Variants in ALMS1 observed in about 807,000 individuals in gnomAD.
ALMS1 encodes centrosome-associated protein ALMS1.
A neutral mutation model predicts 352.2 loss-of-function variants in ALMS1; 271 were observed. The ratio of observed to expected loss-of-function variants is 0.77; its 90% CI spans 0.70 to 0.85. The LOEUF is 0.85. Ranked by LOEUF, ALMS1 falls within the 40% of genes least tolerant of loss-of-function variation. ALMS1 has a pLI of 0.00. For synonymous variants in ALMS1, 1,865 were observed against 1,761.2 expected, an observed-to-expected ratio of 1.06 and a Z score of -1.48; for missense variants, 5,445 against 4,870.7, an observed-to-expected ratio of 1.12 and a Z score of -3.51.
chr2:73,410,457 T>A (rs1321281499), intron 2 of ALMS1, among the ~76,000 whole-genome samples: 6 of 152,156 alleles, frequency 3.9e-5, no homozygotes, highest in Admixed American at 3.9e-4. Flanking sequence ...CTCACAGACG[T>A]ATCCAAAATT....
At chr2:73,395,473 A>C (rs1670742212) in intron 1 of ALMS1, among the ~76,000 whole-genome samples, 1 of 152,168 alleles carries the variant, frequency 6.6e-6, no homozygotes, top group Non-Finnish European at 1.5e-5. Context: ...GATCTTCTTT[A>C]AATTTCAATA....
In ALMS1 at chr2:73,398,215, T is replaced by G. The variant is rs55933050; in HGVS notation, c.325-10407T>G. On this transcript the variant is annotated intron_variant, in intron 1 of 22. Transcript: ENST00000613296. Reference sequence around the variant, plus strand: ...CATTGTTTTGCATGTAAATGTCCAGTTGTTCCAGCACCATTTGTTGAGAAG... The same window carrying G: ...CATTGTTTTGCATGTAAATGTCCAGGTGTTCCAGCACCATTTGTTGAGAAG... 6.1e-3 allele frequency among the ~76,000 whole-genome samples: 934 copies of G among 152,346 alleles called. 4 individuals carry two copies. The highest frequency in any genetic ancestry group is 0.01 in the Non-Finnish European group (707 of 68,026).
At chr2:73,608,111 C>T (rs1573061173) in intron 21 of ALMS1, among the ~76,000 whole-genome samples, 1 of 152,112 alleles carries the variant, frequency 6.6e-6, no homozygotes, top group Non-Finnish European at 1.5e-5. Flanking sequence ...CTTGTGTTTC[C>T]AAACACAATA....
chr2:73,452,134 T>C lies in ALMS1; in HGVS notation c.5607T>C (p.Thr1869=). Reference sequence around the variant, plus strand: ...ATGAGCAGGAGTTGCCAGATCTTACTGAAGTAACTTTGAAAGCAATAGGGG... The same window carrying C: ...ATGAGCAGGAGTTGCCAGATCTTACCGAAGTAACTTTGAAAGCAATAGGGG... ...ISYEQELPDL[T]EVTLKAIGVP... The change falls in exon 8 of 23, where the codon ACT becomes ACC. Residue 1869 remains threonine (T), a synonymous_variant. Transcript: ENST00000613296. 2.5e-6 allele frequency: 4 copies of C among 1,608,960 alleles called. No individual in the cohort carries two copies. Among genetic ancestry groups the C allele is most frequent in the Non-Finnish European group, 3.4e-6 (4 of 1,176,654 alleles).
intron 14 of ALMS1, among the ~76,000 whole-genome samples, chr2:73,558,459 A>G (rs141554413): frequency 2.0e-5 from 3 of 152,344 alleles, no homozygotes; most frequent in African/African-American, 7.2e-5. Context: ...CATTGCCTGT[A>G]AGGATAAAAT....
Position 73,534,866 on chromosome 2 carries a change from A to G in ALMS1, c.9824A>G (p.Lys3275Arg), listed in dbSNP as rs1190838515. 2 of 1,613,646 alleles carry G rather than the reference A, an allele frequency of 1.2e-6. No individual in the cohort carries two copies. Among genetic ancestry groups the G allele is most frequent in the South Asian group, 2.2e-5 (2 of 91,028 alleles). The part of the protein sequence containing the change: ...LLPYKPSGST[K>R]MYYVPQLRQI... ...CCATATAAGCCTTCTGGTAGTACCA[A>G]GATGTATTATGTTCCACAATTAAGA... is the stretch of plus-strand genomic sequence containing the variant. Residue 3275 changes from lysine (K) to arginine (R), a missense_variant, in exon 12 of 23, where the codon AAG (lysine) becomes AGG (arginine). Physicochemically the swap from Lys to Arg is conservative, Grantham distance 26. Transcript: ENST00000613296.
chr2:73,557,186 C>A, intron 13 of ALMS1, 34 bp from the exon 14 acceptor site: 1 of 1,613,548 alleles, frequency 6.2e-7, no homozygotes, highest in Non-Finnish European at 8.5e-7. Context: ...TATTATCTTT[C>A]CTTTTCTGAA....
intron 16 of ALMS1, among the ~76,000 whole-genome samples, chr2:73,586,479 CCCAGGA>C (rs1409555887): frequency 2.6e-5 from 4 of 152,162 alleles, no homozygotes; most frequent in African/African-American, 9.7e-5. Flanking sequence ...TGCTAATTAT[CCCAGGA>C]CCATTTGTTG....
In ALMS1 at chr2:73,428,706, G is replaced by C. The variant is rs1671443083; in HGVS notation, c.1338+2153G>C. On this transcript the variant is annotated intron_variant, in intron 6 of 22. Coordinates refer to ENST00000613296, the MANE Select transcript of ALMS1 (RefSeq NM_001378454.1). ...TCTAAGGAAGATGCTATTATTCCCT[G>C]TATTGTCTTTCAGTTGTAGCTCTAT... Among the ~76,000 whole-genome samples the C allele has an allele frequency of 3.3e-5, 5 of 152,250 alleles. No individual in the cohort carries two copies. In the South Asian group the frequency reaches 1.0e-3, roughly 32 times the overall value.
intron 14 of ALMS1, among the ~76,000 whole-genome samples, chr2:73,557,669 G>A (rs1047724256): frequency 1.3e-5 from 2 of 152,094 alleles, no homozygotes; most frequent in Non-Finnish European, 2.9e-5. Context: ...TCTCAATTCT[G>A]TGAGACACGG....
In ALMS1 at chr2:73,385,874, G is replaced by T. The variant is rs781075077; in HGVS notation, c.6G>T (p.Glu2Asp). The T allele has an allele frequency of 1.3e-6, 1 of 765,734 alleles. No homozygotes were observed. The highest frequency in any genetic ancestry group is 1.5e-5 in the South Asian group (1 of 68,006). 47.4% of individuals were successfully genotyped at this position (765,734 alleles called of 1,614,324 possible). A position where few individuals can be genotyped will look rare whatever the true frequency, so the allele number is the denominator to read the frequency against. Residue 2 changes from glutamate to aspartate, a missense_variant, in exon 1 of 23, where the codon GAG becomes GAT. Physicochemically the swap from Glu to Asp is conservative, Grantham distance 45 (BLOSUM62 2). Coordinates refer to ENST00000613296, the MANE Select transcript of ALMS1 (RefSeq NM_001378454.1). The part of the protein sequence containing the change: M[E>D]PEDLPWPGEL... ...GCCCAGAGCGAGACACCAACATGGA[G>T]CCCGAGGATCTGCCATGGCCGGGCG... is the stretch of plus-strand genomic sequence containing the variant.
chr2:73,532,951 G>A (rs1280922637), intron 11 of ALMS1, among the ~76,000 whole-genome samples: 1 of 151,870 alleles, frequency 6.6e-6, no homozygotes, highest in Non-Finnish European at 1.5e-5. Context: ...GATGAATCCT[G>A]CCAGGACTGG....
chr2:73,536,239 A>G (rs62153183), intron 12 of ALMS1, among the ~76,000 whole-genome samples: 18,859 of 152,236 alleles, frequency 0.12, 1,474 homozygotes, highest in Admixed American at 0.18. Flanking sequence ...TGTAAACAGT[A>G]GAAACCTGGT....
At position 73,504,333 on chromosome 2, in the gene ALMS1, G is replaced by A. The variant is rs758444795; in HGVS notation, c.9539+12835G>A. Among the ~76,000 whole-genome samples, 12 of 152,174 alleles carry A rather than the reference G, an allele frequency of 7.9e-5. 1 individual carries two copies. Among genetic ancestry groups the A allele is most frequent in the Middle Eastern group, 6.8e-3 (2 of 294 alleles). Reference sequence around the variant, plus strand: ...AACACATGTATAGCTTTATGTAACCGCCATCATAATCAAGATACAGAAGTG... The same window carrying A: ...AACACATGTATAGCTTTATGTAACCACCATCATAATCAAGATACAGAAGTG... On this transcript the variant is annotated intron_variant, in intron 10 of 22. Transcript: ENST00000613296.
At chr2:73,393,831 T>C (rs1441569182) in intron 1 of ALMS1, among the ~76,000 whole-genome samples, 2 of 152,100 alleles carry the variant, frequency 1.3e-5, no homozygotes, top group Admixed American at 6.6e-5. Flanking sequence ...TTTTTTTTTT[T>C]TTCTGAGATA....
rs1371050315 is a variant in ALMS1, at chr2:73,453,271, A to C, written c.6744A>C (p.Glu2248Asp). 6.2e-7 allele frequency: 1 copy of C among 1,613,878 alleles called. No homozygotes were observed. The highest frequency in any genetic ancestry group is 1.3e-5 in the African/African-American group (1 of 74,924). Residue 2248 changes from glutamate (E) to aspartate (D), a missense_variant, in exon 8 of 23, where the codon GAA becomes GAC. Transcript: ENST00000613296. Reference sequence around the variant, plus strand: ...GTTTTAGAGATGTTGGCTCTGAAGAAATCCAGGATGCAGAAAATAGTGCTA... The same window carrying C: ...GTTTTAGAGATGTTGGCTCTGAAGACATCCAGGATGCAGAAAATAGTGCTA... ...SAGFRDVGSEEIQDAENSAKT... is the reference protein window; with the variant it reads ...SAGFRDVGSEDIQDAENSAKT...
Position 73,449,169 on chromosome 2 carries a change from C to T in ALMS1, c.2642C>T (p.Thr881Ile), listed in dbSNP as rs1186106599. 1 of 1,614,024 alleles carries T rather than the reference C, an allele frequency of 6.2e-7. No homozygotes were observed. Among genetic ancestry groups the T allele is most frequent in the East Asian group, 2.2e-5 (1 of 44,890 alleles). Residue 881 changes from threonine (T) to isoleucine (I), a missense_variant, in exon 8 of 23, where the codon ACT (threonine) becomes ATT (isoleucine). By Grantham distance (89) the Thr-to-Ile change is moderately conservative. Transcript: ENST00000613296. ...YQQTLPNSHL[T>I]EEALKVSIVP... ...CAGACCTTACCCAATAGTCATCTAA[C>T]TGAAGAGGCTCTGAAAGTATCAATT...
chr2:73,407,558 T>C (rs575845690), intron 1 of ALMS1, among the ~76,000 whole-genome samples: 6 of 152,350 alleles, frequency 3.9e-5, no homozygotes, highest in Admixed American at 1.3e-4. Context: ...CAGAGAACTT[T>C]ATATTTTCCT....
At chr2:73,419,651 C>T (rs1671248080) in intron 3 of ALMS1, among the ~76,000 whole-genome samples, 1 of 152,136 alleles carries the variant, frequency 6.6e-6, no homozygotes, top group Non-Finnish European at 1.5e-5. Context: ...GCAATGGAGA[C>T]TCCATGATCC....
Sources: allele counts gnomAD v4.1 joint callset (sites outside exome capture counted in the v4.1 genomes callset), GRCh38; gene constraint gnomAD v4.1.1; transcripts MANE v1.5; gene names NCBI Gene and HGNC (gene_info 2026-07-23, HGNC 2026-07-21).